Variants in SLC44A5 observed in about 807,000 individuals in gnomAD.
SLC44A5 encodes the protein solute carrier family 44 member 5, also known as choline transporter-like protein 5.
A neutral mutation model predicts 101.8 loss-of-function variants in SLC44A5; 57 were observed. The ratio of observed to expected loss-of-function variants is 0.56; its 90% CI spans 0.45 to 0.70. The LOEUF (loss-of-function observed/expected upper bound fraction) is 0.70, where lower values mean the gene tolerates loss of function less well. Among genes scored for constraint, SLC44A5 ranks in the 30% least tolerant of loss-of-function variants. SLC44A5 has a pLI of 0.00. For missense variants in SLC44A5, 737 were observed against 853.1 expected (o/e 0.86, Z 1.70); for synonymous variants, 281 against 290.9 (o/e 0.97, Z 0.35).
In SLC44A5 at chr1:75,306,733, C is replaced by CTTT. The variant is rs771955227; in HGVS notation, c.102-6051_102-6049dup. 7.0e-4 allele frequency among the ~76,000 whole-genome samples: 72 copies of CTTT among 102,584 alleles called. 2 individuals are homozygous for CTTT. Among genetic ancestry groups the CTTT allele is most frequent in the African/African-American group, 2.4e-3 (57 of 23,564 alleles). The allele number at this position is 102,584 out of a possible 152,430, so 67.3% of individuals were successfully genotyped here. On this transcript the variant is annotated intron_variant, in intron 4 of 23. Coordinates refer to ENST00000370859, the MANE Select transcript of SLC44A5 (RefSeq NM_001130058.2). ...ACTGATTCATTTACTGGTTTCCTTTCTTTTTTTTTTTTTTTTTTTGAGACG... is the reference window on the plus strand; with the variant it reads ...ACTGATTCATTTACTGGTTTCCTTTCTTTTTTTTTTTTTTTTTTTTTTGAGACG...
chr1:75,407,818 A>C lies in SLC44A5; in HGVS notation c.14-11197T>G, dbSNP rs149824596. On this transcript the variant is annotated intron_variant, in intron 2 of 23. Transcript: ENST00000370859. ...AGGCATGGGCAAAGGCTTCATGACT[A>C]AAACACCAAAAGCAATGCCAACAAA... Among the ~76,000 whole-genome samples, 1,049 of 152,370 alleles carry C rather than the reference A, an allele frequency of 6.9e-3. 5 individuals carry two copies. The highest frequency in any genetic ancestry group is 0.014 in the Middle Eastern group (4 of 294).
chr1:75,580,702 G>A (rs796069384), intron 1 of SLC44A5, among the ~76,000 whole-genome samples: 1 of 152,034 alleles, frequency 6.6e-6, no homozygotes, highest in South Asian at 2.1e-4. Context: ...AGCTGGACAT[G>A]GTGGCCACAC....
In SLC44A5 at chr1:75,346,015, G is replaced by C. The variant is rs59599976; in HGVS notation, c.53-6385C>G. ...TACATTTGTTGGGGGTGAAAGAAAG[G>C]GCATGGTACCCTACATCATCACCTA... On this transcript the variant is annotated intron_variant, in intron 3 of 23. Transcript: ENST00000370859. Among the ~76,000 whole-genome samples the C allele has an allele frequency of 5.5e-3, 839 of 152,108 alleles. 4 individuals carry two copies. Among genetic ancestry groups the C allele is most frequent in the African/African-American group, 0.02 (819 of 41,510 alleles).
intron 2 of SLC44A5, among the ~76,000 whole-genome samples, chr1:75,479,406 C>G (rs899965503): frequency 3.4e-4 from 52 of 152,128 alleles, no homozygotes; most frequent in African/African-American, 1.3e-3. Flanking sequence ...AAAATCAGAG[C>G]AGAACTGAAG....
chr1:75,463,097 C>G (rs1470608059), intron 2 of SLC44A5, among the ~76,000 whole-genome samples: 1 of 152,062 alleles, frequency 6.6e-6, no homozygotes, highest in Non-Finnish European at 1.5e-5. Flanking sequence ...AGGCATTTAA[C>G]AATCAAATTC....
At chr1:75,235,640 T>A (rs1648007362) in intron 11 of SLC44A5, among the ~76,000 whole-genome samples, 1 of 152,004 alleles carries the variant, frequency 6.6e-6, no homozygotes, top group Non-Finnish European at 1.5e-5. Context: ...CATAAAGTGA[T>A]CTAATTTTAC....
chr1:75,715,109 C>T, the SLC44A5 span, among the ~76,000 whole-genome samples: 11 of 152,158 alleles, frequency 7.2e-5, no homozygotes, highest in East Asian at 7.7e-4. Context: ...AAGATCTCTA[C>T]GAGAATTACA....
Position 75,335,285 on chromosome 1 carries a change from G to T in SLC44A5, c.101+4297C>A, listed in dbSNP as rs140133722. Among the ~76,000 whole-genome samples the T allele has an allele frequency of 5.4e-3, 815 of 152,218 alleles. 9 individuals carry two copies. The highest frequency in any genetic ancestry group is 0.019 in the African/African-American group (777 of 41,538). ...TACTCCAACTCAGGGATGATGACTG[G>T]CACTGACAAAGCTCACAAGAGACTG... On this transcript the variant is annotated intron_variant, in intron 4 of 23. Transcript: ENST00000370859.
chr1:75,654,685 A>G, the SLC44A5 span, among the ~76,000 whole-genome samples: 1 of 152,194 alleles, frequency 6.6e-6, no homozygotes, highest in Admixed American at 6.5e-5. Flanking sequence ...AAGCCCATTA[A>G]AAGACCTCCA....
At chr1:75,328,984 G>A (rs561217432) in intron 4 of SLC44A5, among the ~76,000 whole-genome samples, 1 of 152,304 alleles carries the variant, frequency 6.6e-6, no homozygotes, top group South Asian at 2.1e-4. Flanking sequence ...TGAAAATGGA[G>A]GGTGTGAGGA....
At chr1:75,562,877 C>T (rs979416541) in intron 1 of SLC44A5, among the ~76,000 whole-genome samples, 2 of 151,304 alleles carry the variant, frequency 1.3e-5, no homozygotes, top group African/African-American at 4.8e-5. Context: ...CCATAGTAAT[C>T]CTCAATATGT....
intron 2 of SLC44A5, among the ~76,000 whole-genome samples, chr1:75,459,836 T>C (rs1454096918): frequency 6.6e-6 from 1 of 152,204 alleles, no homozygotes; most frequent in Non-Finnish European, 1.5e-5. Context: ...TATCATTATT[T>C]AGATAGGGTC....
chr1:75,398,141 G>A (rs1043310614), intron 2 of SLC44A5, among the ~76,000 whole-genome samples: 4 of 152,150 alleles, frequency 2.6e-5, no homozygotes, highest in African/African-American at 9.7e-5. Flanking sequence ...GGCCCTAAAT[G>A]ACTGAGTTTG....
chr1:75,688,446 AATCC>A, the SLC44A5 span, among the ~76,000 whole-genome samples: 6 of 152,150 alleles, frequency 3.9e-5, no homozygotes, highest in African/African-American at 1.4e-4. Context: ...TGGAATGCCA[AATCC>A]AGGCCTATGG....
chr1:75,553,752 T>C (rs1315961625), intron 1 of SLC44A5, among the ~76,000 whole-genome samples: 1 of 152,218 alleles, frequency 6.6e-6, no homozygotes, highest in Non-Finnish European at 1.5e-5. Flanking sequence ...TGCCTTCTAT[T>C]GATCAAGGGT....
At chr1:75,664,392 C>A in the SLC44A5 span, among the ~76,000 whole-genome samples, 1 of 152,086 alleles carries the variant, frequency 6.6e-6, no homozygotes, top group Non-Finnish European at 1.5e-5. Flanking sequence ...ACTGATGATA[C>A]AATTCTACAC....
chr1:75,369,209 G>T (rs1375822646), intron 3 of SLC44A5, among the ~76,000 whole-genome samples: 1 of 151,644 alleles, frequency 6.6e-6, no homozygotes, highest in Non-Finnish European at 1.5e-5. Flanking sequence ...GAAGAGACAG[G>T]GTTTTGTTTT....
intron 6 of SLC44A5, among the ~76,000 whole-genome samples, chr1:75,268,611 T>C (rs1255697275): frequency 1.3e-5 from 2 of 152,222 alleles, no homozygotes; most frequent in East Asian, 3.9e-4. Flanking sequence ...TAATTGAAAA[T>C]AATTACTGTA....
At chr1:75,669,244 CT>C in the SLC44A5 span, among the ~76,000 whole-genome samples, 1 of 147,598 alleles carries the variant, frequency 6.8e-6, no homozygotes, top group Non-Finnish European at 1.5e-5. Flanking sequence ...CTCATCTCTG[CT>C]GATGTTCTAG....
Sources: allele counts gnomAD v4.1 joint callset (sites outside exome capture counted in the v4.1 genomes callset), GRCh38; gene constraint gnomAD v4.1.1; transcripts MANE v1.5; gene names NCBI Gene and HGNC (gene_info 2026-07-23, HGNC 2026-07-21).